The following CCBE1 variants were observed in gnomAD, a reference collection of about 807,000 sequenced individuals.
CCBE1 encodes collagen and calcium binding EGF domains 1.
CCBE1 carries 37 observed loss-of-function variants against 50.0 expected under a neutral mutation model. That is an observed-to-expected ratio of 0.74 (90% CI 0.57 to 0.97). The LOEUF (loss-of-function observed/expected upper bound fraction) is 0.97, where lower values mean the gene tolerates loss of function less well. CCBE1 is among the 50% of genes least tolerant of loss of function. CCBE1 has a pLI of 0.00. For missense variants in CCBE1, 538 were observed against 523.8 expected, an observed-to-expected ratio of 1.03 and a Z score of -0.26; for synonymous variants, 234 against 203.7, an observed-to-expected ratio of 1.15 and a Z score of -1.27.
intron 5 of CCBE1, among the ~76,000 whole-genome samples, chr18:59,461,000 AC>A (rs1342266204): frequency 1.3e-5 from 2 of 151,898 alleles, no homozygotes; most frequent in African/African-American, 4.8e-5. Flanking sequence ...TGAGGTCTTC[AC>A]ATGGAATCAC....
intron 2 of CCBE1, among the ~76,000 whole-genome samples, chr18:59,605,223 T>A (rs541076957): frequency 3.5e-4 from 54 of 152,278 alleles, no homozygotes; most frequent in African/African-American, 1.3e-3. Context: ...ACTTTGATCT[T>A]TTTGATAAAA....
chr18:59,570,014 T>A lies in CCBE1; in HGVS notation c.213-89776A>T, dbSNP rs188760052. Among the ~76,000 whole-genome samples the A allele has an allele frequency of 1.6e-3, 238 of 152,348 alleles. 2 individuals carry two copies. Among genetic ancestry groups the A allele is most frequent in the African/African-American group, 5.5e-3 (230 of 41,584 alleles). On this transcript the variant is annotated intron_variant, in intron 2 of 10. Coordinates refer to ENST00000439986, the MANE Select transcript of CCBE1 (RefSeq NM_133459.4). Reference sequence around the variant, plus strand: ...CTTTCTCTCATTCTTAAACAGAATATCAAAGGCATTTTCTACTTTTGAAGA... The same window carrying A: ...CTTTCTCTCATTCTTAAACAGAATAACAAAGGCATTTTCTACTTTTGAAGA...
chr18:59,593,223 A>T (rs1468710341), intron 2 of CCBE1, among the ~76,000 whole-genome samples: 1 of 152,220 alleles, frequency 6.6e-6, no homozygotes, highest in Non-Finnish European at 1.5e-5. Flanking sequence ...ACCTTTTTGA[A>T]AAAAGACTAA....
rs190449600 is a variant in CCBE1, at chr18:59,643,477, T to C, written c.212+53152A>G. Among the ~76,000 whole-genome samples the C allele has an allele frequency of 2.4e-4, 36 of 152,242 alleles. 1 individual carries two copies. The highest frequency in any genetic ancestry group is 1.7e-3 in the Admixed American group (26 of 15,292). Reference sequence around the variant, plus strand: ...GGATGGAAGGTGTTCTTTGTTCAAGTGGTTTAGGGAAATGCTTCTTTAAGT... The same window carrying C: ...GGATGGAAGGTGTTCTTTGTTCAAGCGGTTTAGGGAAATGCTTCTTTAAGT... On this transcript the variant is annotated intron_variant, in intron 2 of 10. Coordinates refer to ENST00000439986, the MANE Select transcript of CCBE1 (RefSeq NM_133459.4).
intron 2 of CCBE1, among the ~76,000 whole-genome samples, chr18:59,571,772 G>T (rs115259200): frequency 6.6e-6 from 1 of 152,152 alleles, no homozygotes; most frequent in Admixed American, 6.5e-5. Context: ...TATCTCATAC[G>T]TACAGAAGAG....
chr18:59,514,635 T>C (rs1914287150), intron 2 of CCBE1, among the ~76,000 whole-genome samples: 1 of 144,150 alleles, frequency 6.9e-6, no homozygotes, highest in South Asian at 2.2e-4. Context: ...TTTTTTTCTT[T>C]CCTTTCCTTG....
chr18:59,696,560 T>C, intron 2 of CCBE1, 69 bp downstream of exon 2: 4 of 1,605,226 alleles, frequency 2.5e-6, no homozygotes, highest in Non-Finnish European at 2.5e-6. Flanking sequence ...AACCCCTCCT[T>C]TACAGCGCCG....
chr18:59,487,641 C>T (rs574148783), intron 2 of CCBE1, among the ~76,000 whole-genome samples: 1 of 152,120 alleles, frequency 6.6e-6, no homozygotes, highest in Non-Finnish European at 1.5e-5. Context: ...CCACCAAAAC[C>T]TGCCTATTTG....
intron 2 of CCBE1, among the ~76,000 whole-genome samples, chr18:59,632,967 G>C (rs1171402124): frequency 6.6e-6 from 1 of 152,082 alleles, no homozygotes; most frequent in Non-Finnish European, 1.5e-5. Context: ...AGGACCACAA[G>C]GGACAAGTCA....
chr18:59,511,605 C>G (rs562276386), intron 2 of CCBE1, among the ~76,000 whole-genome samples: 2 of 152,192 alleles, frequency 1.3e-5, no homozygotes, highest in East Asian at 3.8e-4. Context: ...TATCTTTCCA[C>G]GAGGAACATT....
At position 59,482,322 on chromosome 18, in the gene CCBE1, T is replaced by C. The variant is rs1179283789; in HGVS notation, c.213-2084A>G. 2.0e-5 allele frequency among the ~76,000 whole-genome samples: 3 copies of C among 152,170 alleles called. 1 individual carries two copies. The highest frequency in any genetic ancestry group is 2.0e-4 in the Admixed American group (3 of 15,276). On this transcript the variant is annotated intron_variant, in intron 2 of 10. Coordinates refer to ENST00000439986, the MANE Select transcript of CCBE1 (RefSeq NM_133459.4). ...AGATGCTGGAGAGGATGTGGAGAAA[T>C]AGGAACATTTTTACACTGTTGGTAG... is the stretch of plus-strand genomic sequence containing the variant.
intron 2 of CCBE1, among the ~76,000 whole-genome samples, chr18:59,626,335 T>A (rs2053784437): frequency 6.6e-6 from 1 of 152,154 alleles, no homozygotes; most frequent in Non-Finnish European, 1.5e-5. Context: ...TTCCTTAAGG[T>A]GAAATGTCCC....
rs193266913 is a variant in CCBE1 at position 59,518,354 on chromosome 18, C to T, written c.213-38116G>A. 1.5e-3 allele frequency among the ~76,000 whole-genome samples: 226 copies of T among 152,180 alleles called. 1 individual carries two copies. Among genetic ancestry groups the T allele is most frequent in the Admixed American group, 5.5e-3 (84 of 15,284 alleles). On this transcript the variant is annotated intron_variant, in intron 2 of 10. Transcript: ENST00000439986. Reference sequence around the variant, plus strand: ...AATTACAAAAATTAGCCGGGTGTGACGACGCACGTGCCTGTAATTCTAGCT... The same window carrying T: ...AATTACAAAAATTAGCCGGGTGTGATGACGCACGTGCCTGTAATTCTAGCT...
intron 2 of CCBE1, among the ~76,000 whole-genome samples, chr18:59,509,396 A>G (rs891013813): frequency 3.3e-5 from 5 of 152,222 alleles, no homozygotes; most frequent in African/African-American, 1.2e-4. Flanking sequence ...AATTTTAATG[A>G]TACTATCTAT....
chr18:59,440,284 C>T (rs775054454), intron 7 of CCBE1, among the ~76,000 whole-genome samples: 7 of 152,144 alleles, frequency 4.6e-5, no homozygotes, highest in Non-Finnish European at 1.0e-4. Flanking sequence ...TTGCCTGAGC[C>T]ATCTGAGCTT....
At chr18:59,477,035 C>A (rs1275544562) in intron 3 of CCBE1, among the ~76,000 whole-genome samples, 1 of 152,208 alleles carries the variant, frequency 6.6e-6, no homozygotes, top group Non-Finnish European at 1.5e-5. Flanking sequence ...AGGAATACTT[C>A]TAGCAACAGA....
intron 2 of CCBE1, among the ~76,000 whole-genome samples, chr18:59,522,755 C>T (rs1568185374): frequency 6.6e-6 from 1 of 151,874 alleles, no homozygotes; most frequent in Admixed American, 6.6e-5. Context: ...TTTGGGAGGC[C>T]GAGGCGGGCG....
At chr18:59,498,839 C>T (rs181890357) in intron 2 of CCBE1, among the ~76,000 whole-genome samples, 90 of 152,254 alleles carry the variant, frequency 5.9e-4, no homozygotes, top group Non-Finnish European at 1.0e-3. Flanking sequence ...TGTGGTTGGC[C>T]ATTCCTTTCA....
In CCBE1 at chr18:59,564,686, G is replaced by A. The variant is rs528231500; in HGVS notation, c.213-84448C>T. 3.9e-5 allele frequency among the ~76,000 whole-genome samples: 6 copies of A among 152,304 alleles called. No individual in the cohort carries two copies. The East Asian group carries it at 7.7e-4, about 20-fold the overall frequency. On this transcript the variant is annotated intron_variant, in intron 2 of 10. Coordinates refer to ENST00000439986, the MANE Select transcript of CCBE1 (RefSeq NM_133459.4). Reference sequence around the variant, plus strand: ...TTCATAGCATCTGGCACAGTCTTCCGGACAGAGGGTGTGTTCAAATACTGC... The same window carrying A: ...TTCATAGCATCTGGCACAGTCTTCCAGACAGAGGGTGTGTTCAAATACTGC...
Sources: allele counts gnomAD v4.1 joint callset (sites outside exome capture counted in the v4.1 genomes callset), GRCh38; gene constraint gnomAD v4.1.1; transcripts MANE v1.5; gene names NCBI Gene and HGNC (gene_info 2026-07-23, HGNC 2026-07-21).